The following LHFPL4 variants were observed in gnomAD, a reference collection of about 807,000 sequenced individuals.
The protein encoded by LHFPL4 is LHFPL tetraspan subfamily member 4 protein.
In LHFPL4, 6 loss-of-function variants were observed where a neutral mutation model predicts 20.0. That is an observed-to-expected ratio of 0.30 (90% confidence interval 0.16 to 0.59). LHFPL4 has a LOEUF of 0.59. Among genes scored for constraint, LHFPL4 ranks in the 20% least tolerant of loss-of-function variants. The probability of loss-of-function intolerance (pLI) is 0.88; values close to 1 mark genes in which losing one functional copy is unlikely to be tolerated. For synonymous variants in LHFPL4, 129 were observed against 143.8 expected, an observed-to-expected ratio of 0.90 and a Z score of 0.74; for missense variants, 215 against 331.2, an observed-to-expected ratio of 0.65 and a Z score of 2.72.
chr3:9,514,530 C>T (rs1017662350), intron 2 of LHFPL4, among the ~76,000 whole-genome samples: 3 of 152,218 alleles, frequency 2.0e-5, no homozygotes, highest in African/African-American at 7.2e-5. Context: ...TCATAGCTCA[C>T]ATTAAGGATT....
intron 2 of LHFPL4, among the ~76,000 whole-genome samples, chr3:9,549,693 G>A (rs538852970): frequency 7.9e-5 from 12 of 151,984 alleles, no homozygotes; most frequent in African/African-American, 2.7e-4. Context: ...GTGAAACTCC[G>A]TCTCAAAATT....
chr3:9,506,244 G>A lies in LHFPL4; in HGVS notation c.407-41C>T. 1 of 1,539,624 alleles carries A rather than the reference G, an allele frequency of 6.5e-7. No individual in the cohort carries two copies. ...CCGGGCCCACCACCACGGTCAGGAAGGAAGAGAAAAGACCATTACTCGCTA... is the reference window on the plus strand; with the variant it reads ...CCGGGCCCACCACCACGGTCAGGAAAGAAGAGAAAAGACCATTACTCGCTA... On this transcript the variant is annotated intron_variant, in intron 2 of 3. Coordinates refer to ENST00000287585, the MANE Select transcript of LHFPL4 (RefSeq NM_198560.3). The surrounding 1 kb of genome is among the most constrained non-coding windows in gnomAD (Gnocchi z 4.5).
intron 2 of LHFPL4, among the ~76,000 whole-genome samples, chr3:9,542,222 C>A (rs112160385): frequency 6.6e-6 from 1 of 151,560 alleles, no homozygotes; most frequent in Admixed American, 6.6e-5. Context: ...GGTGGTGGAG[C>A]TTACAGTGAG....
At chr3:9,514,778 T>C (rs1385100600) in intron 2 of LHFPL4, among the ~76,000 whole-genome samples, 1 of 152,240 alleles carries the variant, frequency 6.6e-6, no homozygotes, top group Non-Finnish European at 1.5e-5. Context: ...CTTTTCAGAC[T>C]TGGACTTAGT....
intron 2 of LHFPL4, among the ~76,000 whole-genome samples, chr3:9,546,880 T>C (rs1392562738): frequency 6.6e-6 from 1 of 152,202 alleles, no homozygotes; most frequent in Non-Finnish European, 1.5e-5. Context: ...CAATGATAAT[T>C]TCTATTTTTA....
At chr3:9,544,281 A>T (rs766213843) in intron 2 of LHFPL4, among the ~76,000 whole-genome samples, 1 of 145,768 alleles carries the variant, frequency 6.9e-6, no homozygotes. Context: ...GGAAATAATT[A>T]CAATAAAAAT....
intron 2 of LHFPL4, among the ~76,000 whole-genome samples, chr3:9,521,586 G>C (rs2046338093): frequency 6.6e-6 from 1 of 151,322 alleles, no homozygotes; most frequent in Admixed American, 6.6e-5. Context: ...TACTTTTTTA[G>C]TAAAGACAGG....
At chr3:9,505,047 T>A (rs867584744) in intron 3 of LHFPL4, among the ~76,000 whole-genome samples, 1 of 151,946 alleles carries the variant, frequency 6.6e-6, no homozygotes, top group Admixed American at 6.6e-5. Flanking sequence ...GATGTGAACA[T>A]GTCACGTGTA....
intron 2 of LHFPL4, among the ~76,000 whole-genome samples, chr3:9,534,933 T>C (rs1271475205): frequency 6.6e-6 from 1 of 151,594 alleles, no homozygotes. Context: ...TTGCTGTTTA[T>C]AAAAGAAAGA....
At chr3:9,520,849 C>T (rs1443805972) in intron 2 of LHFPL4, among the ~76,000 whole-genome samples, 1 of 152,152 alleles carries the variant, frequency 6.6e-6, no homozygotes, top group East Asian at 1.9e-4. Flanking sequence ...TGGTGAATGT[C>T]CCATGTGAAC....
Position 9,525,573 on chromosome 3 carries a change from T to C in LHFPL4, c.407-19370A>G, listed in dbSNP as rs570420794. On this transcript the variant is annotated intron_variant, in intron 2 of 3. Coordinates refer to ENST00000287585, the MANE Select transcript of LHFPL4 (RefSeq NM_198560.3). ...AGTAGCAGCTTCCAAGCTTCTTACA[T>C]CCCTGACCAGAAACCAGAAGTCCAC... 7.8e-4 allele frequency among the ~76,000 whole-genome samples: 119 copies of C among 152,324 alleles called. 2 individuals are homozygous for C. In the South Asian group the frequency reaches 0.024, roughly 31 times the overall value.
At chr3:9,523,993 C>CCCCG (rs1553647672) in intron 2 of LHFPL4, among the ~76,000 whole-genome samples, 3 of 142,230 alleles carry the variant, frequency 2.1e-5, no homozygotes, top group African/African-American at 7.8e-5. Context: ...TCCCCCCCCC[C>CCCCG]CAACACTTTA....
At position 9,506,145 on chromosome 3, in the gene LHFPL4, G is replaced by T. The variant is rs2046216328; in HGVS notation, c.465C>A (p.Ile155=). ...IFPDGWDAET[I]RDMCGAKTGK... The stretch of plus-strand genomic sequence containing the variant: ...CCGTCTTGGCCCCACACATGTCCCG[G>T]ATGGTCTCGGCATCCCAGCCATCAG... Residue 155 remains isoleucine (I), a synonymous_variant, in exon 3 of 4, where the codon ATC becomes ATA. Coordinates refer to ENST00000287585, the MANE Select transcript of LHFPL4 (RefSeq NM_198560.3). This position sits in a 1 kb window ranked among gnomAD's most constrained non-coding sequence, Gnocchi z 4.5. The T allele has an allele frequency of 6.2e-7, 1 of 1,614,072 alleles. No individual in the cohort carries two copies. The highest frequency in any genetic ancestry group is 8.5e-7 in the Non-Finnish European group (1 of 1,180,048).
intron 2 of LHFPL4, among the ~76,000 whole-genome samples, chr3:9,523,985 C>CT (rs1355766651): frequency 1.0e-5 from 1 of 95,556 alleles, no homozygotes; most frequent in Non-Finnish European, 2.3e-5. Flanking sequence ...CTAGTATTTC[C>CT]CCCCCCCCCA....
chr3:9,516,978 G>A (rs560266039), intron 2 of LHFPL4, among the ~76,000 whole-genome samples: 10 of 150,236 alleles, frequency 6.7e-5, no homozygotes, highest in Non-Finnish European at 1.2e-4. Flanking sequence ...ACAGGGTTTC[G>A]CCATGTTGCC....
At chr3:9,542,285 C>T (rs947384585) in intron 2 of LHFPL4, among the ~76,000 whole-genome samples, 1 of 151,210 alleles carries the variant, frequency 6.6e-6, no homozygotes, top group Non-Finnish European at 1.5e-5. Context: ...GACTCTGTCT[C>T]AAAAAGAAAA....
At chr3:9,516,941 G>A (rs909563869) in intron 2 of LHFPL4, among the ~76,000 whole-genome samples, 2 of 150,930 alleles carry the variant, frequency 1.3e-5, no homozygotes, top group African/African-American at 4.9e-5. Flanking sequence ...CACCACGCCG[G>A]GCTGATTTTT....
rs1413454741 is a variant in LHFPL4 at position 9,502,162 on chromosome 3, G to A, written c.*49C>T. 9.7e-6 allele frequency: 13 copies of A among 1,336,596 alleles called. No individual in the cohort carries two copies. Among genetic ancestry groups the A allele is most frequent in the Non-Finnish European group, 1.4e-5 (13 of 928,528 alleles). The allele number at this position is 1,336,596 out of a possible 1,614,324, so 82.8% of individuals were successfully genotyped here. On this transcript the variant is annotated 3_prime_UTR_variant, in exon 4 of 4. Transcript: ENST00000287585. ...GAATGGAGTGACGAGAGGGCAGAAG[G>A]CAGGACAAGCTGAGGTCAGGCCAAT...
chr3:9,548,185 G>A (rs1228631827), intron 2 of LHFPL4, among the ~76,000 whole-genome samples: 1 of 152,090 alleles, frequency 6.6e-6, no homozygotes, highest in African/African-American at 2.4e-5. Context: ...TTGGACAAAT[G>A]ACTTTTTCCT....
Sources: gnomAD v4.1 joint callset for allele counts (sites outside exome capture counted in the v4.1 genomes callset) on GRCh38, gnomAD v4.1.1 for gene constraint, Gnocchi (gnomAD v3.1) non-coding constraint, MANE v1.5 for transcripts, NCBI Gene and HGNC (gene_info 2026-07-23, HGNC 2026-07-21) for gene names.